ATP8A2: variants seen among roughly 807,000 people sequenced by gnomAD.
ATP8A2 encodes ATPase phospholipid transporting 8A2.
Under a neutral mutation model 165.6 loss-of-function variants are expected in ATP8A2, and 100 were observed. The observed-to-expected ratio is 0.60, with a 90% CI of 0.51 to 0.71. The LOEUF (loss-of-function observed/expected upper bound fraction) is 0.71, where lower values mean the gene tolerates loss of function less well. ATP8A2 is among the 30% of genes least tolerant of loss of function. The pLI is 0.00. For synonymous variants in ATP8A2, 543 were observed against 548.8 expected (o/e 0.99, Z 0.15); for missense variants, 1,227 against 1,479.5 (o/e 0.83, Z 2.80).
intron 35 of ATP8A2, among the ~76,000 whole-genome samples, chr13:25,992,460 C>G (rs552016945): frequency 1.3e-5 from 2 of 151,838 alleles, no homozygotes; most frequent in Admixed American, 6.6e-5. Flanking sequence ...GATGTTAGTT[C>G]TTTGTGAGAC....
At chr13:25,767,155 T>C (rs1223738593) in intron 25 of ATP8A2, among the ~76,000 whole-genome samples, 1 of 152,216 alleles carries the variant, frequency 6.6e-6, no homozygotes, top group Non-Finnish European at 1.5e-5. Context: ...CCAGTTACAG[T>C]TGTGGGCTGC....
At chr13:25,886,998 C>CT (rs1203230082) in intron 33 of ATP8A2, among the ~76,000 whole-genome samples, 1 of 152,158 alleles carries the variant, frequency 6.6e-6, no homozygotes, top group Non-Finnish European at 1.5e-5. Context: ...TGCATAATGT[C>CT]TAAGTAGGCT....
At chr13:25,785,063 A>G (rs2044991021) in intron 27 of ATP8A2, among the ~76,000 whole-genome samples, 1 of 150,928 alleles carries the variant, frequency 6.6e-6, no homozygotes, top group Non-Finnish European at 1.5e-5. Context: ...CGTGGCCTAC[A>G]TTTCTATTAT....
intron 8 of ATP8A2, among the ~76,000 whole-genome samples, chr13:25,540,965 G>A (rs1033006169): frequency 3.3e-5 from 5 of 151,608 alleles, no homozygotes; most frequent in East Asian, 1.9e-4. Flanking sequence ...GGGTTCAAGC[G>A]ATTCTCCCAC....
At position 25,581,914 on chromosome 13, in the gene ATP8A2, A is replaced by T. The variant is rs767207128; in HGVS notation, c.2103A>T (p.Ile701=). ...IATLLKAEIK[I]WVLTGDKQET... ...CACTGTTGAAGGCAGAAATTAAAATATGGGTGTTGACAGGAGACAAACAAG... is the reference window on the plus strand; with the variant it reads ...CACTGTTGAAGGCAGAAATTAAAATTTGGGTGTTGACAGGAGACAAACAAG... Residue 701 remains isoleucine, a synonymous_variant, in exon 23 of 37, where the codon ATA becomes ATT. Transcript: ENST00000381655. 3 of 1,613,862 alleles carry T rather than the reference A, an allele frequency of 1.9e-6. No homozygotes were observed. Among genetic ancestry groups the T allele is most frequent in the Non-Finnish European group, 2.5e-6 (3 of 1,179,758 alleles).
intron 33 of ATP8A2, among the ~76,000 whole-genome samples, chr13:25,920,455 T>C (rs1025005431): frequency 1.6e-4 from 24 of 152,184 alleles, no homozygotes; most frequent in Admixed American, 3.3e-4. Context: ...TGTCTTTGTG[T>C]TCCCCTGCCC....
At chr13:25,742,756 A>C (rs2043944645) in intron 25 of ATP8A2, among the ~76,000 whole-genome samples, 1 of 149,992 alleles carries the variant, frequency 6.7e-6, no homozygotes, top group African/African-American at 2.5e-5. Context: ...TCATGACCAG[A>C]GATTCTAGAA....
chr13:25,773,673 C>T (rs1452731143), intron 26 of ATP8A2, among the ~76,000 whole-genome samples: 1 of 152,066 alleles, frequency 6.6e-6, no homozygotes, highest in Non-Finnish European at 1.5e-5. Flanking sequence ...CAAAATGGGT[C>T]AAGAAGTGGA....
chr13:25,757,806 A>C (rs2044295356), intron 25 of ATP8A2, among the ~76,000 whole-genome samples: 4 of 151,076 alleles, frequency 2.6e-5, no homozygotes, highest in East Asian at 2.0e-4. Context: ...TTCATTCTCA[A>C]CTCCCCCTTT....
rs144256010 is a variant in ATP8A2, at chr13:25,535,322, C to T, written c.507+2009C>T. Reference sequence around the variant, plus strand: ...GGGCTGTAGCTGAGTCACGGGTGAGCGCCAAGAGGCAGCTCTCAGGTGGAT... The same window carrying T: ...GGGCTGTAGCTGAGTCACGGGTGAGTGCCAAGAGGCAGCTCTCAGGTGGAT... On this transcript the variant is annotated intron_variant, in intron 6 of 36. Coordinates refer to ENST00000381655, the MANE Select transcript of ATP8A2 (RefSeq NM_016529.6). Among the ~76,000 whole-genome samples the T allele has an allele frequency of 2.4e-3, 363 of 152,202 alleles. 3 individuals are homozygous for T. The highest frequency in any genetic ancestry group is 7.9e-3 in the African/African-American group (328 of 41,534).
intron 16 of ATP8A2, among the ~76,000 whole-genome samples, chr13:25,569,206 G>A (rs1322975972): frequency 6.6e-6 from 1 of 152,050 alleles, no homozygotes; most frequent in Non-Finnish European, 1.5e-5. Context: ...TACCATTTTT[G>A]CAATGCAGGC....
intron 2 of ATP8A2, among the ~76,000 whole-genome samples, chr13:25,510,567 T>C (rs1402708397): frequency 6.6e-6 from 1 of 152,248 alleles, no homozygotes; most frequent in African/African-American, 2.4e-5. Context: ...TGTTGCACTC[T>C]GAGTGCTGTA....
intron 30 of ATP8A2, among the ~76,000 whole-genome samples, chr13:25,849,278 T>C (rs1010393068): frequency 6.6e-6 from 1 of 152,190 alleles, no homozygotes; most frequent in Admixed American, 6.5e-5. Flanking sequence ...ATCAAAAGTA[T>C]ACATGTAAAT....
At chr13:25,969,289 TGTTTC>T (rs1955860388) in intron 35 of ATP8A2, among the ~76,000 whole-genome samples, 1 of 152,234 alleles carries the variant, frequency 6.6e-6, no homozygotes, top group Non-Finnish European at 1.5e-5. Context: ...GTGCAGTTTT[TGTTTC>T]ATCACACAAG....
At chr13:25,833,660 G>A (rs188520274) in intron 28 of ATP8A2, among the ~76,000 whole-genome samples, 67 of 152,098 alleles carry the variant, frequency 4.4e-4, no homozygotes, top group Admixed American at 9.8e-4. Context: ...GGAATAAAAT[G>A]GACTCCTATA....
intron 1 of ATP8A2, among the ~76,000 whole-genome samples, chr13:25,395,907 A>G (rs936750358): frequency 1.3e-5 from 2 of 151,784 alleles, no homozygotes; most frequent in African/African-American, 4.8e-5. Context: ...GCAGTGGCGC[A>G]ATCTCAGCTC....
At chr13:25,554,869 A>G (rs1353685227) in intron 12 of ATP8A2, 122 bp from the exon 13 acceptor site, 2 of 624,290 alleles carry the variant, frequency 3.2e-6, no homozygotes, top group Non-Finnish European at 5.2e-6. Context: ...CAAAATCAGC[A>G]TTTCTATTAA....
intron 13 of ATP8A2, among the ~76,000 whole-genome samples, chr13:25,557,351 A>AT (rs989110492): frequency 2.0e-4 from 30 of 150,126 alleles, no homozygotes; most frequent in East Asian, 1.4e-3. Context: ...GTCAATCCTC[A>AT]TTTTTTTTTC....
chr13:25,944,135 T>G (rs1955145998), intron 33 of ATP8A2, among the ~76,000 whole-genome samples: 1 of 152,256 alleles, frequency 6.6e-6, no homozygotes, highest in Admixed American at 6.5e-5. Flanking sequence ...TGAAAGTTAT[T>G]TAAATGCTAG....
Sources: gnomAD v4.1 joint callset for allele counts (sites outside exome capture counted in the v4.1 genomes callset) on GRCh38, gnomAD v4.1.1 for gene constraint, MANE v1.5 for transcripts, NCBI Gene and HGNC (gene_info 2026-07-23, HGNC 2026-07-21) for gene names.